The following CACNA1H variants were observed in gnomAD, a reference collection of about 807,000 sequenced individuals.
The protein encoded by CACNA1H is voltage-dependent T-type calcium channel subunit alpha-1H.
In CACNA1H, 149 loss-of-function variants were observed where a neutral mutation model predicts 192.5. The observed-to-expected ratio is 0.77, with a 90% CI of 0.68 to 0.89. The LOEUF is 0.89. Ranked by LOEUF, CACNA1H falls within the 40% of genes least tolerant of loss-of-function variation. CACNA1H has a pLI of 0.00. For missense variants in CACNA1H, 4,257 were observed against 3,423.5 expected, an observed-to-expected ratio of 1.24 and a Z score of -6.08; for synonymous variants, 2,202 against 1,475.2, an observed-to-expected ratio of 1.49 and a Z score of -11.29.
In CACNA1H at chr16:1,207,886, G is replaced by T. The variant is rs1229685373; in HGVS notation, c.3154+26G>T. 3.2e-6 allele frequency: 5 copies of T among 1,562,390 alleles called. No individual in the cohort carries two copies. The African/African-American group carries it at 5.4e-5, about 17-fold the overall frequency. ...GTGCGTGTGGTCGGTGGGTGGTCCG[G>T]GTTCTGGCGGGTGGAGTACGCTGGG... On this transcript the variant is annotated intron_variant, in intron 15 of 34. Transcript: ENST00000348261.
chr16:1,213,796 C>G lies in CACNA1H; in HGVS notation c.4794C>G (p.Pro1598=), dbSNP rs1442524100. 1.9e-6 allele frequency: 3 copies of G among 1,567,906 alleles called. No individual in the cohort carries two copies. Among genetic ancestry groups the G allele is most frequent in the Non-Finnish European group, 2.6e-6 (3 of 1,159,006 alleles). The change falls in exon 27 of 35, where the codon CCC becomes CCG. Residue 1598 remains proline (P), a synonymous_variant. Coordinates refer to ENST00000348261, the MANE Select transcript of CACNA1H (RefSeq NM_021098.3). ...TCCCCGCAGAGGCCCAGCGCCGGCC[C>G]TACTATGCCGACTACTCGCCCACGC... is the stretch of plus-strand genomic sequence containing the variant. ...TFPSPEAQRR[P]YYADYSPTRR...
chr16:1,178,634 G>C (rs1270355596), intron 2 of CACNA1H, among the ~76,000 whole-genome samples: 1 of 152,116 alleles, frequency 6.6e-6, no homozygotes, highest in Non-Finnish European at 1.5e-5. Flanking sequence ...TGTTGCTTCA[G>C]CCGCCGCCAT....
intron 2 of CACNA1H, among the ~76,000 whole-genome samples, chr16:1,160,473 C>T (rs1319554129): frequency 3.3e-5 from 5 of 152,204 alleles, no homozygotes; most frequent in Non-Finnish European, 5.9e-5. Flanking sequence ...TGCTGGCTCT[C>T]AGCCCCTGCC....
Position 1,217,851 on chromosome 16 carries a change from G to T in CACNA1H, c.5324-68G>T, listed in dbSNP as rs1191444673. The T allele has an allele frequency of 2.6e-6, 4 of 1,514,018 alleles. No homozygotes were observed. The African/African-American group carries it at 5.5e-5, about 21-fold the overall frequency. 93.8% of individuals were successfully genotyped at this position (1,514,018 alleles called of 1,614,324 possible). A position where few individuals can be genotyped will look rare whatever the true frequency, so the allele number is the denominator to read the frequency against. ...TGGGCTCCCCAAGGGGCATGTGGAGGCTGGGTGCATGTCCCGCCTCCACCC... is the reference window on the plus strand; with the variant it reads ...TGGGCTCCCCAAGGGGCATGTGGAGTCTGGGTGCATGTCCCGCCTCCACCC... On this transcript the variant is annotated intron_variant, in intron 31 of 34. Coordinates refer to ENST00000348261, the MANE Select transcript of CACNA1H (RefSeq NM_021098.3).
Position 1,220,957 on chromosome 16 carries a change from C to A in CACNA1H, c.7025C>A (p.Thr2342Asn). The A allele has an allele frequency of 6.2e-7, 1 of 1,605,274 alleles. No homozygotes were observed. The highest frequency in any genetic ancestry group is 8.5e-7 in the Non-Finnish European group (1 of 1,175,724). The part of the protein sequence containing the change: ...PLEKPGSPSA[T>N]PAPGGGADDP... ...GAGAAACCAGGGTCCCCCTCAGCCACCCCTGCCCCAGGGGGTGGTGCAGAT... is the reference window on the plus strand; with the variant it reads ...GAGAAACCAGGGTCCCCCTCAGCCAACCCTGCCCCAGGGGGTGGTGCAGAT... Residue 2342 changes from threonine (T) to asparagine (N), a missense_variant, in exon 35 of 35, where the codon ACC becomes AAC. Coordinates refer to ENST00000348261, the MANE Select transcript of CACNA1H (RefSeq NM_021098.3).
chr16:1,219,896 T>C, intron 34 of CACNA1H, 85 bp from the exon 35 acceptor site: 1 of 1,109,294 alleles, frequency 9.0e-7, no homozygotes, highest in Non-Finnish European at 1.2e-6. Flanking sequence ...CTCCAGTACC[T>C]GGATGGTGAG....
At chr16:1,164,181 G>A (rs951157402) in intron 2 of CACNA1H, among the ~76,000 whole-genome samples, 31 of 152,296 alleles carry the variant, frequency 2.0e-4, no homozygotes, top group Admixed American at 1.8e-3. Context: ...GTTCAGTTAT[G>A]TTTGGATTTC....
Position 1,195,449 on chromosome 16 carries a change from T to A in CACNA1H, c.429T>A (p.Ile143=). Residue 143 remains isoleucine (I), a synonymous_variant, in exon 4 of 35, where the codon ATT becomes ATA. Transcript: ENST00000348261. ...TCCCGCAGGCCTTTGACGCCTTCAT[T>A]TTCGCCTTTTTTGCGGTGGAGATGG... is the stretch of plus-strand genomic sequence containing the variant. ...CNILEAFDAF[I]FAFFAVEMVI... is the part of the protein sequence containing the mutation. 6.4e-7 allele frequency: 1 copy of A among 1,558,986 alleles called. No homozygotes were observed. Among genetic ancestry groups the A allele is most frequent in the South Asian group, 1.2e-5 (1 of 84,462 alleles).
chr16:1,191,883 G>A (rs1184173693), intron 2 of CACNA1H, among the ~76,000 whole-genome samples: 4 of 151,812 alleles, frequency 2.6e-5, no homozygotes, highest in Non-Finnish European at 5.9e-5. Flanking sequence ...GACCCAGCAG[G>A]CTGGCCTGGC....
chr16:1,158,650 G>C (rs1962761297), intron 2 of CACNA1H, among the ~76,000 whole-genome samples: 4 of 152,304 alleles, frequency 2.6e-5, no homozygotes, highest in Admixed American at 2.6e-4. Context: ...GGAGGAGATG[G>C]AGCCCAGAGC....
At chr16:1,184,344 G>C (rs556003046) in intron 2 of CACNA1H, among the ~76,000 whole-genome samples, 1 of 152,252 alleles carries the variant, frequency 6.6e-6, no homozygotes, top group Non-Finnish European at 1.5e-5. Flanking sequence ...GCCGGCAAGC[G>C]TGGGACCGAG....
chr16:1,185,511 C>CT (rs1198474981), intron 2 of CACNA1H, among the ~76,000 whole-genome samples: 1 of 143,020 alleles, frequency 7.0e-6, no homozygotes, highest in African/African-American at 2.5e-5. Context: ...TCCCCCCCCC[C>CT]GCCGAGTCTG....
chr16:1,207,331 C>T lies in CACNA1H; in HGVS notation c.2964C>T (p.Ser988=), dbSNP rs779798664. The T allele has an allele frequency of 6.8e-6, 11 of 1,611,454 alleles. No homozygotes were observed. Among genetic ancestry groups the T allele is most frequent in the Non-Finnish European group, 9.3e-6 (11 of 1,179,130 alleles). ...TGTACAACGGCATGGCCTCCACCTC[C>T]TCCTGGGCCGCCCTCTACTTCGTGG... ...VVLYNGMAST[S]SWAALYFVAL... is the part of the protein sequence containing the mutation. The change falls in exon 14 of 35, where the codon TCC becomes TCT. Residue 988 remains serine, a synonymous_variant. Coordinates refer to ENST00000348261, the MANE Select transcript of CACNA1H (RefSeq NM_021098.3).
chr16:1,211,967 T>C lies in CACNA1H; in HGVS notation c.4588T>C (p.Trp1530Arg), dbSNP rs1969502459. Residue 1530 changes from tryptophan (W) to arginine (R), a missense_variant, in exon 25 of 35, where the codon TGG becomes CGG. Physicochemically the swap from Trp to Arg is moderately radical, Grantham distance 101. Coordinates refer to ENST00000348261, the MANE Select transcript of CACNA1H (RefSeq NM_021098.3). ...DQQPVQNHNP[W>R]MLLYFISFLL... The stretch of plus-strand genomic sequence containing the variant: ...ACAGCCTGTGCAGAACCACAACCCC[T>C]GGATGCTGCTGTACTTCATCTCCTT... 6 of 1,613,462 alleles carry C rather than the reference T, an allele frequency of 3.7e-6. No individual in the cohort carries two copies. The highest frequency in any genetic ancestry group is 5.1e-6 in the Non-Finnish European group (6 of 1,179,668).
intron 32 of CACNA1H, 44 bp downstream of exon 32, chr16:1,218,084 G>A (rs1363305008): frequency 5.7e-6 from 9 of 1,578,730 alleles, no homozygotes; most frequent in Admixed American, 1.8e-5. Flanking sequence ...AGCCCCAGCG[G>A]TTTTTCAGGC....
intron 27 of CACNA1H, 141 bp downstream of exon 27, chr16:1,214,072 A>G: frequency 1.3e-6 from 1 of 747,412 alleles, no homozygotes; most frequent in Non-Finnish European, 2.2e-6. Context: ...TTGTGTGAAC[A>G]CGGGTCTTTT....
chr16:1,174,247 C>A (rs570531501), intron 2 of CACNA1H, among the ~76,000 whole-genome samples: 1 of 152,220 alleles, frequency 6.6e-6, no homozygotes, highest in African/African-American at 2.4e-5. Context: ...TGTGGGGCTC[C>A]TGGGTTCAAG....
Position 1,196,162 on chromosome 16 carries a change from C to T in CACNA1H, c.643+139C>T, listed in dbSNP as rs1284704464. On this transcript the variant is annotated intron_variant, in intron 5 of 34. Coordinates refer to ENST00000348261, the MANE Select transcript of CACNA1H (RefSeq NM_021098.3). ...GGCACTCCGGCCCCAGCCCAGACCC[C>T]AGCAGTGGGGTGGCCCCTGCCGCTA... 7.4e-6 allele frequency: 5 copies of T among 678,750 alleles called. No individual in the cohort carries two copies. The East Asian group carries it at 8.2e-5, about 11-fold the overall frequency. The allele number at this position is 678,750 out of a possible 1,614,324, so 42.0% of individuals were successfully genotyped here.
At chr16:1,170,373 C>T (rs921449416) in intron 2 of CACNA1H, among the ~76,000 whole-genome samples, 5 of 152,200 alleles carry the variant, frequency 3.3e-5, no homozygotes, top group African/African-American at 9.6e-5. Context: ...GGACAGGGCC[C>T]GAGGAATCCG....
Sources: allele counts gnomAD v4.1 joint callset (sites outside exome capture counted in the v4.1 genomes callset), GRCh38; gene constraint gnomAD v4.1.1; transcripts MANE v1.5; gene names NCBI Gene and HGNC (gene_info 2026-07-23, HGNC 2026-07-21).